The following XPO4 variants were observed in gnomAD, a reference collection of about 807,000 sequenced individuals.
XPO4 encodes exportin-4.
In XPO4, 39 loss-of-function variants were observed where a neutral mutation model predicts 143.0. The ratio of observed to expected loss-of-function variants is 0.27; its 90% CI spans 0.21 to 0.36. XPO4 has a LOEUF of 0.36. Ranked by LOEUF, XPO4 falls within the 10% of genes least tolerant of loss-of-function variation. The probability of loss-of-function intolerance (pLI) is 1.00; values close to 1 mark genes in which losing one functional copy is unlikely to be tolerated. For synonymous variants in XPO4, 439 were observed against 474.0 expected, an observed-to-expected ratio of 0.93 and a Z score of 0.96; for missense variants, 907 against 1,348.0, an observed-to-expected ratio of 0.67 and a Z score of 5.12.
intron 4 of XPO4, among the ~76,000 whole-genome samples, chr13:20,845,819 G>C (rs2060023748): frequency 6.6e-6 from 1 of 152,090 alleles, no homozygotes; most frequent in Non-Finnish European, 1.5e-5. Context: ...AAATTAATGA[G>C]ATTCAGAGAA....
intron 14 of XPO4, 32 bp downstream of exon 14, chr13:20,800,799 T>A (rs1393004644): frequency 6.2e-7 from 1 of 1,603,428 alleles, no homozygotes. Flanking sequence ...TCATCATAAA[T>A]CCAAATGAAG....
intron 1 of XPO4, 160 bp downstream of exon 1, chr13:20,902,510 G>C: frequency 1.0e-6 from 1 of 985,404 alleles, no homozygotes; most frequent in Non-Finnish European, 1.2e-6. Context: ...AGGAAAGTAG[G>C]CTGAAGAATC....
chr13:20,806,402 G>A (rs1172061030), intron 13 of XPO4, among the ~76,000 whole-genome samples: 1 of 152,152 alleles, frequency 6.6e-6, no homozygotes, highest in East Asian at 1.9e-4. Flanking sequence ...ACAGCATCCT[G>A]TTTGAGTTAC....
intron 13 of XPO4, 123 bp from the exon 14 acceptor site, chr13:20,801,113 G>A (rs1380864566): frequency 4.7e-6 from 5 of 1,061,318 alleles, no homozygotes; most frequent in Non-Finnish European, 6.7e-6. Flanking sequence ...GGCTATACTT[G>A]AACATTTCAT....
intron 6 of XPO4, among the ~76,000 whole-genome samples, chr13:20,837,718 G>A (rs888058180): frequency 3.3e-5 from 5 of 152,314 alleles, no homozygotes; most frequent in African/African-American, 1.2e-4. Flanking sequence ...CATGGCAGAA[G>A]GCAAGGAAGA....
At chr13:20,819,454 G>A (rs2059690977) in intron 9 of XPO4, among the ~76,000 whole-genome samples, 1 of 152,134 alleles carries the variant, frequency 6.6e-6, no homozygotes, top group Non-Finnish European at 1.5e-5. Flanking sequence ...GAGGTCAGGA[G>A]TTTGAGACCA....
intron 1 of XPO4, chr13:20,879,268 AAAC>A (rs1188887787): frequency 2.0e-6 from 2 of 985,290 alleles, no homozygotes; most frequent in East Asian, 1.1e-4. Context: ...ACTATTTAAA[AAAC>A]AAACAAAACA....
chr13:20,876,264 GAAA>G (rs35708026), intron 1 of XPO4, among the ~76,000 whole-genome samples: 4 of 81,916 alleles, frequency 4.9e-5, no homozygotes, highest in African/African-American at 9.3e-5. Flanking sequence ...CTCCATCTCG[GAAA>G]AAAAAAAAAA....
At chr13:20,879,344 G>C in intron 1 of XPO4, 1 of 980,172 alleles carries the variant, frequency 1.0e-6, no homozygotes, top group East Asian at 1.1e-4. Context: ...GGATTAACTT[G>C]CCGGTCTGGA....
At chr13:20,861,777 CTTTTTTTTTT>C (rs71200306) in intron 3 of XPO4, among the ~76,000 whole-genome samples, 282 of 73,456 alleles carry the variant, frequency 3.8e-3, no homozygotes, top group African/African-American at 0.012. Flanking sequence ...ACATTTCTCT[CTTTTTTTTTT>C]TTTTTTTTTT....
chr13:20,845,956 C>T (rs141052172), intron 4 of XPO4, among the ~76,000 whole-genome samples: 354 of 152,246 alleles, frequency 2.3e-3, no homozygotes, highest in African/African-American at 7.6e-3. Flanking sequence ...ATTATAAACA[C>T]ATCTAAATGT....
At chr13:20,836,942 G>T (rs535631693) in intron 6 of XPO4, among the ~76,000 whole-genome samples, 6 of 152,134 alleles carry the variant, frequency 3.9e-5, no homozygotes, top group Admixed American at 2.6e-4. Context: ...TTTGTGAATG[G>T]CTTTTTTCAC....
chr13:20,887,199 C>G (rs886578535), intron 1 of XPO4, among the ~76,000 whole-genome samples: 26 of 152,238 alleles, frequency 1.7e-4, no homozygotes, highest in African/African-American at 5.8e-4. Flanking sequence ...TTTTAAGAGC[C>G]TAGCATATCA....
chr13:20,807,089 C>T (rs773459171), intron 13 of XPO4, among the ~76,000 whole-genome samples: 5 of 152,068 alleles, frequency 3.3e-5, no homozygotes, highest in Non-Finnish European at 5.9e-5. Context: ...CTTTTATGAA[C>T]GATACTTGTT....
At position 20,827,067 on chromosome 13, in the gene XPO4, T is replaced by C; in HGVS notation, c.840A>G (p.Thr280=). Residue 280 remains threonine, a splice_region_variant and synonymous_variant, in exon 7 of 23, where the codon ACA becomes ACG. Transcript: ENST00000255305. Reference sequence around the variant, plus strand: ...ACCAGAGATGAAGACTAAAACTTACTGTGAAGAAAAGCTCCATAACTCTGC... The same window carrying C: ...ACCAGAGATGAAGACTAAAACTTACCGTGAAGAAAAGCTCCATAACTCTGC... ...LDSRVMELFF[T]VHRKIREDSD... is the part of the protein sequence containing the mutation. 1 of 1,607,910 alleles carries C rather than the reference T, an allele frequency of 6.2e-7. No individual in the cohort carries two copies.
At chr13:20,796,430 T>A (rs903806228) in intron 17 of XPO4, among the ~76,000 whole-genome samples, 174 bp from the exon 18 acceptor site, 2 of 152,110 alleles carry the variant, frequency 1.3e-5, no homozygotes, top group Admixed American at 6.5e-5. Context: ...ATATTTTTTT[T>A]AATTTTACCC....
chr13:20,891,539 T>C (rs2060516324), intron 1 of XPO4, among the ~76,000 whole-genome samples: 1 of 152,070 alleles, frequency 6.6e-6, no homozygotes, highest in Non-Finnish European at 1.5e-5. Flanking sequence ...CCTGAGGTAG[T>C]GGTTATTATT....
chr13:20,815,909 C>G (rs1566579704), intron 9 of XPO4, among the ~76,000 whole-genome samples: 2 of 152,238 alleles, frequency 1.3e-5, no homozygotes, highest in East Asian at 3.9e-4. Context: ...TATAGACTCA[C>G]TTGGCAGAAA....
At chr13:20,790,275 CTAAG>C (rs974147456) in intron 19 of XPO4, among the ~76,000 whole-genome samples, 183 bp downstream of exon 19, 1 of 152,136 alleles carries the variant, frequency 6.6e-6, no homozygotes, top group Non-Finnish European at 1.5e-5. Flanking sequence ...GAAACAGAGA[CTAAG>C]TAAGGGCCCA....
Sources: allele counts gnomAD v4.1 joint callset (sites outside exome capture counted in the v4.1 genomes callset), GRCh38; gene constraint gnomAD v4.1.1; transcripts MANE v1.5; gene names NCBI Gene and HGNC (gene_info 2026-07-23, HGNC 2026-07-21).